Variants in ADGRL3 observed in about 807,000 individuals in gnomAD.
The protein encoded by ADGRL3 is adhesion G protein-coupled receptor L3.
A neutral mutation model predicts 153.5 loss-of-function variants in ADGRL3; 62 were observed. The ratio of observed to expected loss-of-function variants is 0.40; its 90% CI spans 0.33 to 0.50. The LOEUF is 0.50. ADGRL3 is among the 20% of genes least tolerant of loss of function. The pLI is 0.47. For synonymous variants in ADGRL3, 710 were observed against 672.5 expected (o/e 1.06, Z -0.86); for missense variants, 1,641 against 1,859.4 (o/e 0.88, Z 2.16).
At chr4:61,429,720 G>A (rs2097332444) in intron 2 of ADGRL3, among the ~76,000 whole-genome samples, 1 of 152,016 alleles carries the variant, frequency 6.6e-6, no homozygotes, top group African/African-American at 2.4e-5. Flanking sequence ...CTAAGTATTA[G>A]ATATTCAGAG....
chr4:61,668,581 T>C (rs901899850), intron 5 of ADGRL3, among the ~76,000 whole-genome samples: 2 of 152,178 alleles, frequency 1.3e-5, no homozygotes, highest in Non-Finnish European at 2.9e-5. Flanking sequence ...AAGTAACATA[T>C]AAAAGAATAT....
intron 5 of ADGRL3, among the ~76,000 whole-genome samples, chr4:61,619,428 A>T (rs1314726053): frequency 2.0e-5 from 3 of 152,148 alleles, no homozygotes; most frequent in Non-Finnish European, 4.4e-5. Flanking sequence ...TATTTTTTAA[A>T]GAAATTTCCA....
intron 1 of ADGRL3, among the ~76,000 whole-genome samples, chr4:61,315,628 G>C (rs1182689105): frequency 1.3e-5 from 2 of 152,104 alleles, no homozygotes; most frequent in East Asian, 3.9e-4. Context: ...AAATGTAATA[G>C]CATCTTTCAA....
chr4:61,748,334 T>C (rs1310323817), intron 8 of ADGRL3, among the ~76,000 whole-genome samples: 1 of 152,092 alleles, frequency 6.6e-6, no homozygotes, highest in Non-Finnish European at 1.5e-5. Context: ...CCAATGACTT[T>C]CTCCACAGAA....
chr4:61,577,875 T>C (rs2098899033), intron 4 of ADGRL3, among the ~76,000 whole-genome samples: 1 of 151,804 alleles, frequency 6.6e-6, no homozygotes, highest in Non-Finnish European at 1.5e-5. Flanking sequence ...CATTTTAAAG[T>C]GGAAGTAATG....
In ADGRL3 at chr4:61,859,578, C is replaced by T. The variant is rs1561372598; in HGVS notation, c.1481-33078C>T. On this transcript the variant is annotated intron_variant, in intron 9 of 26. Transcript: ENST00000683033. Reference sequence around the variant, plus strand: ...GACTCCATACCATTTTTTCTCTTTACAATGTATAAGTTGTCCAAAAGCATG... The same window carrying T: ...GACTCCATACCATTTTTTCTCTTTATAATGTATAAGTTGTCCAAAAGCATG... Among the ~76,000 whole-genome samples the T allele has an allele frequency of 2.6e-5, 4 of 152,178 alleles. No individual in the cohort carries two copies. The East Asian group carries it at 7.7e-4, about 29-fold the overall frequency.
intron 23 of ADGRL3, 96 bp from the exon 24 acceptor site, chr4:62,037,635 T>A (rs1725807743): frequency 7.8e-7 from 1 of 1,279,884 alleles, no homozygotes; most frequent in Admixed American, 1.8e-5. Context: ...AGGAAATAAT[T>A]ACATTATCTA....
intron 2 of ADGRL3, chr4:61,425,503 T>C (rs1416490566): frequency 6.6e-6 from 1 of 152,306 alleles, no homozygotes; most frequent in Non-Finnish European, 1.5e-5. Flanking sequence ...TTTTGCAGCA[T>C]GTCAATCTAT....
chr4:61,393,970 A>G (rs745439113), intron 2 of ADGRL3, among the ~76,000 whole-genome samples: 68 of 152,084 alleles, frequency 4.5e-4, no homozygotes, highest in Non-Finnish European at 8.2e-4. Flanking sequence ...TGATAATATG[A>G]CAAGTACTCT....
intron 17 of ADGRL3, among the ~76,000 whole-genome samples, chr4:61,975,964 AT>A (rs1383620918): frequency 6.6e-6 from 1 of 152,188 alleles, no homozygotes; most frequent in Non-Finnish European, 1.5e-5. Context: ...ATCTTATCAA[AT>A]ATCCAAGTGG....
At chr4:61,573,691 A>G (rs2098848366) in intron 4 of ADGRL3, among the ~76,000 whole-genome samples, 1 of 152,010 alleles carries the variant, frequency 6.6e-6, no homozygotes, top group East Asian at 1.9e-4. Context: ...ATCTTTGGAC[A>G]AGAAGGCCAT....
chr4:61,317,735 G>A (rs1210089517), intron 1 of ADGRL3, among the ~76,000 whole-genome samples: 1 of 152,092 alleles, frequency 6.6e-6, no homozygotes, highest in Non-Finnish European at 1.5e-5. Context: ...TCTATCCTAC[G>A]TAGAGTAACC....
At chr4:61,336,068 G>A (rs1203021919) in intron 1 of ADGRL3, among the ~76,000 whole-genome samples, 2 of 152,048 alleles carry the variant, frequency 1.3e-5, no homozygotes, top group African/African-American at 4.8e-5. Context: ...ATTGGATAGA[G>A]AACAAATACT....
At chr4:61,935,825 C>A (rs961434425) in intron 14 of ADGRL3, 98 bp from the exon 15 acceptor site, 2 of 1,018,534 alleles carry the variant, frequency 2.0e-6, no homozygotes, top group African/African-American at 1.7e-5. Context: ...AATAAGAATT[C>A]CAGTATTTTG....
At chr4:61,552,502 C>T (rs537768870) in intron 4 of ADGRL3, among the ~76,000 whole-genome samples, 48 of 152,182 alleles carry the variant, frequency 3.2e-4, no homozygotes, top group African/African-American at 1.2e-3. Flanking sequence ...TTCGCTCTGT[C>T]ACTCAGGCTG....
At chr4:61,947,218 A>G (rs1197748635) in intron 16 of ADGRL3, 96 bp downstream of exon 16, 4 of 991,312 alleles carry the variant, frequency 4.0e-6, no homozygotes, top group Non-Finnish European at 5.9e-6. Context: ...TGTTTTTTCT[A>G]TTTGACATAT....
intron 1 of ADGRL3, among the ~76,000 whole-genome samples, chr4:61,367,274 A>T (rs1211642415): frequency 6.6e-6 from 1 of 151,734 alleles, no homozygotes; most frequent in Non-Finnish European, 1.5e-5. Context: ...TTTAGGGTAC[A>T]TGTGCACATT....
At chr4:61,239,835 T>G (rs1251197239) in intron 1 of ADGRL3, among the ~76,000 whole-genome samples, 2 of 152,078 alleles carry the variant, frequency 1.3e-5, no homozygotes, top group Non-Finnish European at 2.9e-5. Context: ...TATGTTAGAA[T>G]TAGAAAATAG....
chr4:61,783,311 A>G (rs545951372), intron 8 of ADGRL3, among the ~76,000 whole-genome samples: 47 of 152,266 alleles, frequency 3.1e-4, no homozygotes, highest in African/African-American at 1.1e-3. Context: ...TATCTGAGCC[A>G]AGTGCCTGGG....
Sources: gnomAD v4.1 joint callset for allele counts (sites outside exome capture counted in the v4.1 genomes callset) on GRCh38, gnomAD v4.1.1 for gene constraint, MANE v1.5 for transcripts, NCBI Gene and HGNC (gene_info 2026-07-23, HGNC 2026-07-21) for gene names.